ASIC2: variants seen among roughly 807,000 people sequenced by gnomAD.
ASIC2 encodes the protein acid-sensing ion channel 2.
ASIC2 carries 25 observed loss-of-function variants against 57.3 expected under a neutral mutation model. The ratio of observed to expected loss-of-function variants is 0.44; its 90% CI spans 0.32 to 0.61. The LOEUF (loss-of-function observed/expected upper bound fraction) is 0.61, where lower values mean the gene tolerates loss of function less well. Among genes scored for constraint, ASIC2 ranks in the 20% least tolerant of loss-of-function variants. The pLI is 0.06. For synonymous variants in ASIC2, 319 were observed against 307.5 expected (o/e 1.04, Z -0.39); for missense variants, 641 against 738.1 (o/e 0.87, Z 1.52).
chr17:33,903,524 C>A (rs1354872106), intron 1 of ASIC2, among the ~76,000 whole-genome samples: 2 of 152,160 alleles, frequency 1.3e-5, no homozygotes, highest in East Asian at 3.9e-4. Context: ...AAGGCTCTGA[C>A]AAATCCTAAA....
At chr17:33,551,195 A>G (rs1392003578) in intron 1 of ASIC2, among the ~76,000 whole-genome samples, 1 of 152,202 alleles carries the variant, frequency 6.6e-6, no homozygotes, top group Non-Finnish European at 1.5e-5. Context: ...TTTTTCGATG[A>G]ATATGTATGC....
At chr17:33,368,308 G>A (rs1232465215) in intron 1 of ASIC2, among the ~76,000 whole-genome samples, 1 of 152,236 alleles carries the variant, frequency 6.6e-6, no homozygotes, top group African/African-American at 2.4e-5. Context: ...GGATAGAGAG[G>A]CCACATGGAG....
intron 1 of ASIC2, among the ~76,000 whole-genome samples, chr17:33,140,038 C>G (rs1368908722): frequency 2.0e-5 from 3 of 152,212 alleles, no homozygotes; most frequent in African/African-American, 2.4e-5. Flanking sequence ...TTCTGGGGGC[C>G]AGCTGCATCA....
intron 1 of ASIC2, among the ~76,000 whole-genome samples, chr17:34,114,930 G>A (rs964323710): frequency 5.9e-5 from 9 of 152,268 alleles, no homozygotes; most frequent in African/African-American, 1.7e-4. Flanking sequence ...ATAGCCCAGG[G>A]CCATGTCTAA....
At chr17:33,947,083 G>A (rs1050012550) in intron 1 of ASIC2, among the ~76,000 whole-genome samples, 4 of 152,214 alleles carry the variant, frequency 2.6e-5, no homozygotes, top group African/African-American at 9.7e-5. Flanking sequence ...GAGAGGACAT[G>A]AAATCTGATG....
chr17:34,054,083 G>T (rs1908671876), intron 1 of ASIC2, among the ~76,000 whole-genome samples: 1 of 152,272 alleles, frequency 6.6e-6, no homozygotes, highest in Non-Finnish European at 1.5e-5. Context: ...TGAAAGAGCA[G>T]TCAACCGTAT....
In ASIC2 at chr17:33,013,997, T is replaced by C; in HGVS notation, c.1660A>G (p.Thr554Ala). 6.2e-7 allele frequency: 1 copy of C among 1,602,150 alleles called. No homozygotes were observed. Among genetic ancestry groups the C allele is most frequent in the African/African-American group, 1.3e-5 (1 of 74,748 alleles). ...SHTVNVPLQT[T>A]LGTLEEIAC The stretch of plus-strand genomic sequence containing the variant: ...GCAATCTCCTCCAAGGTCCCCAGGG[T>C]CGTCTGCAGGGGCACGTTCACAGTG... The change falls in exon 10 of 10, where the codon ACC (threonine) becomes GCC (alanine). Residue 554 changes from threonine to alanine, a missense_variant. Around this residue, in one of 3 missense-constraint regions of ASIC2, gnomAD observed 252 missense variants for 319.8 expected, o/e 0.79. Transcript: ENST00000225823.
At chr17:33,672,244 A>G (rs1302146612) in intron 1 of ASIC2, among the ~76,000 whole-genome samples, 1 of 152,174 alleles carries the variant, frequency 6.6e-6, no homozygotes, top group Non-Finnish European at 1.5e-5. Flanking sequence ...TTAAATTTAA[A>G]AAGCAACTGT....
At chr17:33,914,375 T>G (rs1310430115) in intron 1 of ASIC2, among the ~76,000 whole-genome samples, 1 of 152,124 alleles carries the variant, frequency 6.6e-6, no homozygotes, top group African/African-American at 2.4e-5. Flanking sequence ...GTGAGTCAGT[T>G]GGGGTGGACC....
At chr17:33,255,736 C>A (rs1909044977) in intron 1 of ASIC2, among the ~76,000 whole-genome samples, 1 of 152,096 alleles carries the variant, frequency 6.6e-6, no homozygotes, top group Non-Finnish European at 1.5e-5. Flanking sequence ...CTCTAAATAG[C>A]AGGATGGACT....
chr17:33,387,067 T>C (rs950052252), intron 1 of ASIC2, among the ~76,000 whole-genome samples: 1 of 152,124 alleles, frequency 6.6e-6, no homozygotes, highest in African/African-American at 2.4e-5. Flanking sequence ...TTTGTGTTTT[T>C]AGTAGAGATG....
At chr17:34,131,718 G>A (rs1221569236) in intron 1 of ASIC2, among the ~76,000 whole-genome samples, 1 of 152,220 alleles carries the variant, frequency 6.6e-6, no homozygotes, top group African/African-American at 2.4e-5. Flanking sequence ...TCAGTCTGTG[G>A]CTCTGCGTGC....
At chr17:33,908,095 C>T (rs1046273281) in intron 1 of ASIC2, among the ~76,000 whole-genome samples, 10 of 152,172 alleles carry the variant, frequency 6.6e-5, no homozygotes, top group African/African-American at 2.2e-4. Flanking sequence ...CTTACAGTGT[C>T]CCAGTGTGCA....
intron 1 of ASIC2, among the ~76,000 whole-genome samples, chr17:33,491,085 C>T (rs1319174612): frequency 2.6e-5 from 4 of 152,192 alleles, no homozygotes; most frequent in African/African-American, 9.6e-5. Context: ...CTTGGGTTTG[C>T]ACCTACTTCC....
chr17:34,075,877 G>T (rs1372620361), intron 1 of ASIC2, among the ~76,000 whole-genome samples: 2 of 143,926 alleles, frequency 1.4e-5, no homozygotes, highest in African/African-American at 5.2e-5. Context: ...CGCTCCGGCT[G>T]GAGTGCAATG....
intron 1 of ASIC2, among the ~76,000 whole-genome samples, chr17:34,099,193 AAAG>A (rs1355939761): frequency 1.7e-5 from 2 of 120,442 alleles, no homozygotes; most frequent in African/African-American, 7.9e-5. Flanking sequence ...AGAAAGAAAG[AAAG>A]AAAGAAAGAA....
chr17:33,094,697 G>C (rs2092171326), intron 2 of ASIC2, among the ~76,000 whole-genome samples: 1 of 152,146 alleles, frequency 6.6e-6, no homozygotes, highest in African/African-American at 2.4e-5. Flanking sequence ...GCAGCCCATG[G>C]TTTTGGAAGT....
chr17:33,153,749 G>T (rs114607934), intron 1 of ASIC2, among the ~76,000 whole-genome samples: 1,627 of 152,270 alleles, frequency 0.011, 25 homozygotes, highest in African/African-American at 0.038. Context: ...TGTGACATCA[G>T]CTCCCTTAGG....
At chr17:33,614,498 G>T (rs553564507) in intron 1 of ASIC2, among the ~76,000 whole-genome samples, 1 of 152,314 alleles carries the variant, frequency 6.6e-6, no homozygotes, top group African/African-American at 2.4e-5. Flanking sequence ...TACAGGTCAA[G>T]AAAATGCTTG....
Sources: allele counts gnomAD v4.1 joint callset (sites outside exome capture counted in the v4.1 genomes callset), GRCh38; gene constraint gnomAD v4.1.1; regional missense constraint gnomAD v4.1.1; transcripts MANE v1.5; gene names NCBI Gene and HGNC (gene_info 2026-07-23, HGNC 2026-07-21).